OSBPL1A: variants seen among roughly 807,000 people sequenced by gnomAD.
The protein encoded by OSBPL1A is oxysterol-binding protein-related protein 1.
In OSBPL1A, 80 loss-of-function variants were observed where a neutral mutation model predicts 137.1. The ratio of observed to expected loss-of-function variants is 0.58; its 90% CI spans 0.49 to 0.70. The LOEUF is 0.70. Ranked by LOEUF, OSBPL1A falls within the 30% of genes least tolerant of loss-of-function variation. The probability of loss-of-function intolerance (pLI) is 0.00; values close to 1 mark genes in which losing one functional copy is unlikely to be tolerated. For synonymous variants in OSBPL1A, 365 were observed against 389.7 expected, an observed-to-expected ratio of 0.94 and a Z score of 0.75; for missense variants, 970 against 1,129.4, an observed-to-expected ratio of 0.86 and a Z score of 2.02.
chr18:24,182,777 T>C (rs866399097), intron 18 of OSBPL1A, among the ~76,000 whole-genome samples: 3 of 152,118 alleles, frequency 2.0e-5, no homozygotes, highest in Admixed American at 1.3e-4. Flanking sequence ...AAGAGCTCAT[T>C]AAACCCAGAG....
chr18:24,187,225 G>A (rs935675161), intron 18 of OSBPL1A, among the ~76,000 whole-genome samples: 3 of 152,112 alleles, frequency 2.0e-5, no homozygotes, highest in Middle Eastern at 3.4e-3. Context: ...GGTGGTTGCC[G>A]GGCTGATGAA....
At chr18:24,274,805 A>T (rs909835872) in intron 15 of OSBPL1A, among the ~76,000 whole-genome samples, 1 of 151,942 alleles carries the variant, frequency 6.6e-6, no homozygotes, top group Non-Finnish European at 1.5e-5. Context: ...GCTACTCAGG[A>T]GGGTGAGGCA....
At chr18:24,298,449 C>A (rs1470029456) in intron 14 of OSBPL1A, among the ~76,000 whole-genome samples, 1 of 152,198 alleles carries the variant, frequency 6.6e-6, no homozygotes, top group Non-Finnish European at 1.5e-5. Context: ...CGGGTTCAAG[C>A]GATTCTCCTG....
chr18:24,207,654 G>A (rs1021711769), intron 17 of OSBPL1A, among the ~76,000 whole-genome samples: 3 of 152,138 alleles, frequency 2.0e-5, no homozygotes, highest in African/African-American at 7.2e-5. Flanking sequence ...CAATCTGTAT[G>A]TATACATGTA....
intron 1 of OSBPL1A, among the ~76,000 whole-genome samples, chr18:24,385,442 T>C (rs927664382): frequency 6.6e-6 from 1 of 152,088 alleles, no homozygotes; most frequent in Non-Finnish European, 1.5e-5. Flanking sequence ...TATCATCATA[T>C]AAGTGGTCAT....
intron 15 of OSBPL1A, among the ~76,000 whole-genome samples, chr18:24,260,433 A>G (rs1479647964): frequency 1.3e-5 from 2 of 152,248 alleles, no homozygotes; most frequent in African/African-American, 4.8e-5. Context: ...GGATATACAG[A>G]TACAATGTGA....
At chr18:24,316,040 T>C (rs1465845731) in intron 11 of OSBPL1A, among the ~76,000 whole-genome samples, 1 of 150,256 alleles carries the variant, frequency 6.7e-6, no homozygotes, top group Non-Finnish European at 1.5e-5. Flanking sequence ...GCAGGAGGAT[T>C]GCTTGAGGTC....
chr18:24,170,218 A>G (rs2086241904), intron 24 of OSBPL1A, 109 bp downstream of exon 24: 6 of 1,293,880 alleles, frequency 4.6e-6, no homozygotes, highest in Non-Finnish European at 6.4e-6. Flanking sequence ...CATTAGCAAC[A>G]AGGAAGAAGA....
chr18:24,198,314 G>A (rs774448637), intron 17 of OSBPL1A, among the ~76,000 whole-genome samples: 5 of 152,154 alleles, frequency 3.3e-5, no homozygotes, highest in African/African-American at 4.8e-5. Context: ...AGACATTCGA[G>A]CTTTGTAATT....
intron 19 of OSBPL1A, 129 bp from the exon 20 acceptor site, chr18:24,179,964 T>A: frequency 1.4e-6 from 1 of 707,690 alleles, no homozygotes; most frequent in Non-Finnish European, 2.5e-6. Context: ...TTTGGAGTTT[T>A]AATATGGCTC....
At chr18:24,200,115 T>C (rs1386431894) in intron 17 of OSBPL1A, among the ~76,000 whole-genome samples, 5 of 152,234 alleles carry the variant, frequency 3.3e-5, no homozygotes, top group Admixed American at 1.3e-4. Context: ...TATACTTTTT[T>C]CCATATTGTC....
chr18:24,384,082 GA>G (rs1906785126), intron 1 of OSBPL1A, among the ~76,000 whole-genome samples: 1 of 152,174 alleles, frequency 6.6e-6, no homozygotes. Flanking sequence ...TACAGAGAAA[GA>G]AAAATGTAAA....
chr18:24,375,008 T>A (rs1026127157), intron 2 of OSBPL1A, among the ~76,000 whole-genome samples: 4 of 151,788 alleles, frequency 2.6e-5, no homozygotes, highest in Admixed American at 6.6e-5. Context: ...CAAGACTTTA[T>A]CAAAAAGGCT....
At chr18:24,255,834 G>A (rs1400849072) in intron 15 of OSBPL1A, among the ~76,000 whole-genome samples, 1 of 147,520 alleles carries the variant, frequency 6.8e-6, no homozygotes, top group Non-Finnish European at 1.5e-5. Context: ...TCTGCTCACT[G>A]CAGCTTCTGC....
Position 24,271,802 on chromosome 18 carries a change from C to G in OSBPL1A, c.1281+9040G>C. On this transcript the variant is annotated intron_variant, in intron 15 of 27. Coordinates refer to ENST00000319481, the MANE Select transcript of OSBPL1A (RefSeq NM_080597.4). This position sits in a 1 kb window ranked among gnomAD's most constrained non-coding sequence, Gnocchi z 4.0. Reference sequence around the variant, plus strand: ...CCCTAAGTCACCTTTGCGCAGCCTGCCCCTGGCTCCGGCCGGGCAGCAGCG... The same window carrying G: ...CCCTAAGTCACCTTTGCGCAGCCTGGCCCTGGCTCCGGCCGGGCAGCAGCG... The G allele has an allele frequency of 1.0e-6, 1 of 985,398 alleles. No homozygotes were observed. The highest frequency in any genetic ancestry group is 1.2e-6 in the Non-Finnish European group (1 of 829,950). 61.0% of individuals were successfully genotyped at this position (985,398 alleles called of 1,614,324 possible).
chr18:24,344,173 G>T (rs930553843), intron 4 of OSBPL1A, among the ~76,000 whole-genome samples: 14 of 152,196 alleles, frequency 9.2e-5, no homozygotes, highest in African/African-American at 3.4e-4. Flanking sequence ...ATGTACAAAT[G>T]GTCAATAAGC....
chr18:24,179,901 G>T, intron 19 of OSBPL1A, 66 bp from the exon 20 acceptor site: 1 of 1,302,230 alleles, frequency 7.7e-7, no homozygotes, highest in Non-Finnish European at 1.1e-6. Context: ...TTTAGGAACT[G>T]AAATTTTGCT....
At chr18:24,331,206 CT>C (rs1300162779) in intron 7 of OSBPL1A, among the ~76,000 whole-genome samples, 2 of 152,146 alleles carry the variant, frequency 1.3e-5, no homozygotes, top group Non-Finnish European at 2.9e-5. Context: ...AGTATGAGGC[CT>C]GCCCTTAGGA....
chr18:24,289,855 A>G (rs1301738841), intron 14 of OSBPL1A, among the ~76,000 whole-genome samples: 1 of 152,166 alleles, frequency 6.6e-6, no homozygotes, highest in East Asian at 1.9e-4. Context: ...TAAAATGGAA[A>G]GAATAGTTGT....
Sources: gnomAD v4.1 joint callset for allele counts (sites outside exome capture counted in the v4.1 genomes callset) on GRCh38, gnomAD v4.1.1 for gene constraint, Gnocchi (gnomAD v3.1) non-coding constraint, MANE v1.5 for transcripts, NCBI Gene and HGNC (gene_info 2026-07-23, HGNC 2026-07-21) for gene names.